CSMD1: variants seen among roughly 807,000 people sequenced by gnomAD.
CSMD1 encodes the protein CUB and Sushi multiple domains 1.
A neutral mutation model predicts 417.5 loss-of-function variants in CSMD1; 213 were observed. The observed-to-expected ratio is 0.51, with a 90% CI of 0.46 to 0.57. The LOEUF (loss-of-function observed/expected upper bound fraction) is 0.57. Ranked by LOEUF, CSMD1 falls within the 20% of genes least tolerant of loss-of-function variation. The probability of loss-of-function intolerance (pLI) is 0.00; values close to 1 mark genes in which losing one functional copy is unlikely to be tolerated. For synonymous variants in CSMD1, 2,862 were observed against 1,736.8 expected (o/e 1.65, Z -16.11); for missense variants, 6,923 against 4,529.7 (o/e 1.53, Z -15.17).
At chr8:3,201,807 T>G (rs1797006696) in intron 31 of CSMD1, 82 bp from the exon 32 acceptor site, 5 of 688,130 alleles carry the variant, frequency 7.3e-6, no homozygotes, top group Non-Finnish European at 1.2e-5. Flanking sequence ...GAATATCTAT[T>G]AATTGCCCCA....
At chr8:3,385,780 A>G (rs1401053260) in intron 18 of CSMD1, among the ~76,000 whole-genome samples, 1 of 152,162 alleles carries the variant, frequency 6.6e-6, no homozygotes, top group Non-Finnish European at 1.5e-5. Context: ...AAACTTAGGC[A>G]TAACTACTGT....
chr8:3,968,769 G>A (rs1306289149), intron 5 of CSMD1, among the ~76,000 whole-genome samples: 1 of 152,130 alleles, frequency 6.6e-6, no homozygotes, highest in Non-Finnish European at 1.5e-5. Flanking sequence ...TGCTGAAGAT[G>A]GGTGGGGATT....
At chr8:4,700,126 T>C (rs1022684802) in intron 1 of CSMD1, among the ~76,000 whole-genome samples, 14 of 151,400 alleles carry the variant, frequency 9.2e-5, no homozygotes, top group African/African-American at 3.2e-4. Flanking sequence ...GTGAACTTTT[T>C]GTTTAATTTT....
chr8:3,767,696 A>C (rs1289058583), intron 5 of CSMD1, among the ~76,000 whole-genome samples: 1 of 152,198 alleles, frequency 6.6e-6, no homozygotes, highest in Non-Finnish European at 1.5e-5. Flanking sequence ...TATGTATATT[A>C]TACAGTGTAT....
chr8:4,087,819 C>A (rs1800499658), intron 3 of CSMD1, among the ~76,000 whole-genome samples: 1 of 151,918 alleles, frequency 6.6e-6, no homozygotes, highest in Non-Finnish European at 1.5e-5. Context: ...GCATTATTTT[C>A]CCTTTGTCAC....
intron 7 of CSMD1, among the ~76,000 whole-genome samples, chr8:3,683,477 G>T (rs143467719): frequency 7.9e-5 from 12 of 152,236 alleles, no homozygotes; most frequent in Non-Finnish European, 1.8e-4. Context: ...CTGGAGGGGT[G>T]TTCATAGGTA....
At chr8:4,809,640 G>A (rs1798783908) in intron 1 of CSMD1, among the ~76,000 whole-genome samples, 1 of 152,150 alleles carries the variant, frequency 6.6e-6, no homozygotes, top group Non-Finnish European at 1.5e-5. Context: ...AGCCACATAT[G>A]TAATTTTAAC....
chr8:3,284,101 A>G, intron 26 of CSMD1, 43 bp downstream of exon 26: 1 of 1,415,838 alleles, frequency 7.1e-7, no homozygotes, highest in Non-Finnish European at 9.8e-7. Flanking sequence ...TCATGACAAG[A>G]CTTTGATATC....
intron 25 of CSMD1, among the ~76,000 whole-genome samples, chr8:3,290,538 C>A (rs1172707934): frequency 6.9e-6 from 1 of 145,640 alleles, no homozygotes; most frequent in Non-Finnish European, 1.5e-5. Context: ...AGAGGTCCTT[C>A]ACATCCCTTG....
At chr8:3,337,778 G>T (rs977403147) in intron 23 of CSMD1, among the ~76,000 whole-genome samples, 1 of 152,162 alleles carries the variant, frequency 6.6e-6, no homozygotes, top group Non-Finnish European at 1.5e-5. Flanking sequence ...TCAGCCTATA[G>T]GGATCTGATT....
chr8:4,978,528 A>G (rs1810695036), intron 1 of CSMD1, among the ~76,000 whole-genome samples: 1 of 152,206 alleles, frequency 6.6e-6, no homozygotes, highest in South Asian at 2.1e-4. Context: ...CAGATTTACT[A>G]TATTGCCAAG....
intron 2 of CSMD1, among the ~76,000 whole-genome samples, chr8:4,593,890 G>C (rs534538279): frequency 6.6e-6 from 1 of 152,252 alleles, no homozygotes; most frequent in African/African-American, 2.4e-5. Context: ...AAAGCAACAG[G>C]AATTTATTGT....
At chr8:3,169,388 T>A (rs1419958959) in intron 37 of CSMD1, among the ~76,000 whole-genome samples, 12 of 152,126 alleles carry the variant, frequency 7.9e-5, no homozygotes, top group Non-Finnish European at 1.8e-4. Context: ...AAGTCTACAT[T>A]CTGCTGCTAA....
intron 3 of CSMD1, among the ~76,000 whole-genome samples, chr8:4,050,456 T>C (rs1398175590): frequency 6.6e-6 from 1 of 152,180 alleles, no homozygotes; most frequent in Non-Finnish European, 1.5e-5. Context: ...GGGGTACATA[T>C]TTTGATACAG....
At chr8:4,637,296 T>C in intron 2 of CSMD1, 46 bp downstream of exon 2, 1 of 1,404,880 alleles carries the variant, frequency 7.1e-7, no homozygotes, top group Middle Eastern at 1.9e-4. Context: ...TCATAATCTG[T>C]GTATTCAAAC....
At chr8:3,286,144 A>C (rs1193097279) in intron 25 of CSMD1, among the ~76,000 whole-genome samples, 2 of 152,140 alleles carry the variant, frequency 1.3e-5, no homozygotes, top group Non-Finnish European at 2.9e-5. Flanking sequence ...TGTCCCTACA[A>C]AGGACATGAA....
intron 1 of CSMD1, among the ~76,000 whole-genome samples, chr8:4,746,335 T>C (rs1183925866): frequency 2.0e-5 from 3 of 152,330 alleles, no homozygotes; most frequent in African/African-American, 7.2e-5. Flanking sequence ...TGTAGGCACT[T>C]TGGCAGGGGT....
At chr8:4,935,909 G>C (rs1055475776) in intron 1 of CSMD1, among the ~76,000 whole-genome samples, 15 of 152,172 alleles carry the variant, frequency 9.9e-5, no homozygotes, top group African/African-American at 3.6e-4. Context: ...TCCCCAGCAG[G>C]ATGCTCCTGG....
intron 3 of CSMD1, among the ~76,000 whole-genome samples, chr8:4,236,026 G>GCTTTTTTTTTTT (rs1420352173): frequency 6.6e-4 from 71 of 108,070 alleles, no homozygotes; most frequent in African/African-American, 1.1e-3. Flanking sequence ...AATGGATATT[G>GCTTTTTTTTTTT]TTTTTTTTGT....
Sources: gnomAD v4.1 joint callset for allele counts (sites outside exome capture counted in the v4.1 genomes callset) on GRCh38, gnomAD v4.1.1 for gene constraint, MANE v1.5 for transcripts, NCBI Gene and HGNC (gene_info 2026-07-23, HGNC 2026-07-21) for gene names.